SPIDR: variants seen among roughly 807,000 people sequenced by gnomAD.
SPIDR encodes the protein DNA repair-scaffolding protein.
In SPIDR, 93 loss-of-function variants were observed where a neutral mutation model predicts 104.6. That is an observed-to-expected ratio of 0.89 (90% CI 0.75 to 1.06). The LOEUF (loss-of-function observed/expected upper bound fraction) is 1.06, where lower values mean the gene tolerates loss of function less well. Among genes scored for constraint, SPIDR ranks in the 50% least tolerant of loss-of-function variants. SPIDR has a pLI of 0.00. For synonymous variants in SPIDR, 431 were observed against 416.9 expected, an observed-to-expected ratio of 1.03 and a Z score of -0.41; for missense variants, 1,154 against 1,111.2, an observed-to-expected ratio of 1.04 and a Z score of -0.55.
At chr8:47,286,307 G>T (rs377443678) in intron 3 of SPIDR, among the ~76,000 whole-genome samples, 7 of 152,192 alleles carry the variant, frequency 4.6e-5, no homozygotes, top group African/African-American at 7.2e-5. Flanking sequence ...CTGAAAAAAG[G>T]CATTACATTT....
At chr8:47,420,551 G>A (rs1020906863) in intron 7 of SPIDR, among the ~76,000 whole-genome samples, 8 of 152,088 alleles carry the variant, frequency 5.3e-5, no homozygotes, top group Admixed American at 5.2e-4. Flanking sequence ...ACACTGATGG[G>A]TCTTGACTCT....
intron 8 of SPIDR, among the ~76,000 whole-genome samples, chr8:47,560,696 G>T (rs1293248718): frequency 6.6e-6 from 1 of 152,058 alleles, no homozygotes; most frequent in Non-Finnish European, 1.5e-5. Flanking sequence ...GGCCATTTAT[G>T]ACTTTCATAA....
intron 8 of SPIDR, among the ~76,000 whole-genome samples, chr8:47,448,550 G>C (rs2071114619): frequency 6.6e-6 from 1 of 152,188 alleles, no homozygotes; most frequent in African/African-American, 2.4e-5. Flanking sequence ...AAAGACCACT[G>C]TAGGCGTAGT....
intron 5 of SPIDR, among the ~76,000 whole-genome samples, chr8:47,363,011 C>T (rs550293960): frequency 6.6e-6 from 1 of 151,984 alleles, no homozygotes; most frequent in Admixed American, 6.6e-5. Context: ...CTCACCAAAT[C>T]CTATTCCGCC....
At chr8:47,707,247 T>A (rs1053175953) in intron 14 of SPIDR, among the ~76,000 whole-genome samples, 1 of 142,918 alleles carries the variant, frequency 7.0e-6, no homozygotes, top group African/African-American at 2.5e-5. Flanking sequence ...AGTGAGACTC[T>A]TTCTCAAAAA....
intron 5 of SPIDR, among the ~76,000 whole-genome samples, chr8:47,313,335 C>A (rs781950878): frequency 6.6e-6 from 1 of 152,124 alleles, no homozygotes; most frequent in South Asian, 2.1e-4. Context: ...AATAAAATAC[C>A]TAGGAATCCA....
At chr8:47,481,091 T>TCAC (rs369090421) in intron 8 of SPIDR, among the ~76,000 whole-genome samples, 2 of 152,198 alleles carry the variant, frequency 1.3e-5, no homozygotes, top group African/African-American at 4.8e-5. Flanking sequence ...AGCACAGGAA[T>TCAC]CACCGCTCTA....
intron 11 of SPIDR, among the ~76,000 whole-genome samples, chr8:47,682,446 A>T (rs778278110): frequency 2.6e-5 from 4 of 152,132 alleles, no homozygotes; most frequent in Admixed American, 6.6e-5. Flanking sequence ...TCTGCAATTT[A>T]ATAGAGGTAG....
intron 11 of SPIDR, among the ~76,000 whole-genome samples, chr8:47,686,592 A>G (rs2077858841): frequency 6.6e-6 from 1 of 152,194 alleles, no homozygotes; most frequent in Admixed American, 6.5e-5. Flanking sequence ...AAGTTCACTG[A>G]CATTAAGTAA....
intron 11 of SPIDR, among the ~76,000 whole-genome samples, chr8:47,693,043 T>G (rs940799381): frequency 2.1e-4 from 32 of 152,318 alleles, no homozygotes; most frequent in African/African-American, 7.2e-4. Context: ...TATTCTAATC[T>G]TGTTAGAGTC....
chr8:47,480,777 G>T (rs536410958), intron 8 of SPIDR, among the ~76,000 whole-genome samples: 87 of 152,296 alleles, frequency 5.7e-4, no homozygotes, highest in Middle Eastern at 3.4e-3. Context: ...TGAGCAGGAA[G>T]GGTCTCAGCA....
chr8:47,498,305 A>T (rs1432438442), intron 8 of SPIDR, among the ~76,000 whole-genome samples: 1 of 152,178 alleles, frequency 6.6e-6, no homozygotes, highest in Non-Finnish European at 1.5e-5. Context: ...ACTTATTGGC[A>T]AACGTTCCAT....
At chr8:47,464,583 AC>A (rs1454434944) in intron 8 of SPIDR, among the ~76,000 whole-genome samples, 1 of 151,938 alleles carries the variant, frequency 6.6e-6, no homozygotes, top group African/African-American at 2.4e-5. Context: ...GCTGAGTTGA[AC>A]TGACAAGCAG....
intron 8 of SPIDR, among the ~76,000 whole-genome samples, chr8:47,471,033 C>T (rs919153568): frequency 6.6e-6 from 1 of 152,092 alleles, no homozygotes; most frequent in African/African-American, 2.4e-5. Flanking sequence ...CATGCCCGGC[C>T]GACTGAAACT....
At position 47,578,852 on chromosome 8, in the gene SPIDR, T is replaced by A. The variant is rs555452414; in HGVS notation, c.1098-16959T>A. 2.0e-5 allele frequency among the ~76,000 whole-genome samples: 3 copies of A among 152,320 alleles called. No individual in the cohort carries two copies. The East Asian group carries it at 5.8e-4, about 29-fold the overall frequency. On this transcript the variant is annotated intron_variant, in intron 8 of 19. Transcript: ENST00000297423. ...ACATACAATCATAAATGCCAGTCTT[T>A]TATAGTCAATATTTTTATCAGTTTC...
chr8:47,351,494 CTGGAGTATGGGA>C (rs1554622371), intron 5 of SPIDR, among the ~76,000 whole-genome samples: 1 of 152,126 alleles, frequency 6.6e-6, no homozygotes, highest in East Asian at 1.9e-4. Context: ...TCATTGCAGG[CTGGAGTATGGGA>C]CCATAGGGTG....
chr8:47,431,856 G>A (rs2067418930), intron 7 of SPIDR, among the ~76,000 whole-genome samples: 1 of 152,182 alleles, frequency 6.6e-6, no homozygotes, highest in Non-Finnish European at 1.5e-5. Flanking sequence ...ATCATTGCCA[G>A]ATGACTTAAA....
rs1563811353 is a variant in SPIDR, at chr8:47,386,910, GATATAGATATA to G, written c.526-9465_526-9455del. Among the ~76,000 whole-genome samples, 261 of 25,150 alleles carry G rather than the reference GATATAGATATA, an allele frequency of 0.01. 5 individuals are homozygous for G. In the East Asian group the frequency reaches 0.13, roughly 13 times the overall value. 16.5% of individuals were successfully genotyped at this position (25,150 alleles called of 152,430 possible). A position where few individuals can be genotyped will look rare whatever the true frequency, so the allele number is the denominator to read the frequency against. On this transcript the variant is annotated intron_variant, in intron 5 of 19. Transcript: ENST00000297423. ...AGAGAGAAAGAGAGAGAGAGATATA[GATATAGATATA>G]GATATAGATATAGATATAGATATAG...
At chr8:47,718,418 A>G (rs1308546879) in intron 16 of SPIDR, among the ~76,000 whole-genome samples, 2 of 152,130 alleles carry the variant, frequency 1.3e-5, no homozygotes, top group African/African-American at 4.8e-5. Context: ...GGTGGGATCA[A>G]CGTTTCTGAC....
Sources: allele counts gnomAD v4.1 joint callset (sites outside exome capture counted in the v4.1 genomes callset), GRCh38; gene constraint gnomAD v4.1.1; transcripts MANE v1.5; gene names NCBI Gene and HGNC (gene_info 2026-07-23, HGNC 2026-07-21).